Variants in GHR observed in about 807,000 individuals in gnomAD.
GHR encodes GH receptor.
A neutral mutation model predicts 67.1 loss-of-function variants in GHR; 35 were observed. The observed-to-expected ratio is 0.52, with a 90% CI of 0.40 to 0.69. The LOEUF is 0.69. Ranked by LOEUF, GHR falls within the 30% of genes least tolerant of loss-of-function variation. The probability of loss-of-function intolerance (pLI) is 0.00; values close to 1 mark genes in which losing one functional copy is unlikely to be tolerated. For synonymous variants in GHR, 272 were observed against 269.1 expected (o/e 1.01, Z -0.10); for missense variants, 792 against 764.6 (o/e 1.04, Z -0.42).
chr5:42,474,257 C>CAGACAGACAGACAGAAAGAAAGAAAGAA (rs1182799025), intron 1 of GHR, among the ~76,000 whole-genome samples: 1 of 87,940 alleles, frequency 1.1e-5, no homozygotes, highest in African/African-American at 4.3e-5. Context: ...GAAAGACAGA[C>CAGACAGACAGACAGAAAGAAAGAAAGAA]AGAAAGAAAG....
chr5:42,693,027 C>G (rs1316808311), intron 4 of GHR, among the ~76,000 whole-genome samples: 1 of 151,930 alleles, frequency 6.6e-6, no homozygotes, highest in Non-Finnish European at 1.5e-5. Context: ...TCTCTTCTGA[C>G]TCTACATACA....
In GHR at chr5:42,589,022, T is replaced by C. The variant is rs892957622; in HGVS notation, c.70+23078T>C. The stretch of plus-strand genomic sequence containing the variant: ...GCCCTAAACCATATTTCAATAATCC[T>C]TTCATGAAAGGAAAGGAAGTACATT... On this transcript the variant is annotated intron_variant, in intron 2 of 9. Coordinates refer to ENST00000230882, the MANE Select transcript of GHR (RefSeq NM_000163.5). Among the ~76,000 whole-genome samples the C allele has an allele frequency of 2.0e-5, 3 of 152,336 alleles. No homozygotes were observed. In the East Asian group the frequency reaches 5.8e-4, roughly 29 times the overall value.
intron 2 of GHR, among the ~76,000 whole-genome samples, chr5:42,620,858 ATGATAACATT>A (rs1283904794): frequency 1.3e-5 from 2 of 152,148 alleles, no homozygotes; most frequent in African/African-American, 4.8e-5. Flanking sequence ...AAAAAGATCT[ATGATAACATT>A]ATAAGGGAAG....
chr5:42,568,097 C>A (rs1750054002), intron 2 of GHR, among the ~76,000 whole-genome samples: 1 of 152,108 alleles, frequency 6.6e-6, no homozygotes, highest in Non-Finnish European at 1.5e-5. Flanking sequence ...GGAAGCATCA[C>A]CTGGAGAAAA....
At chr5:42,698,307 A>C (rs1288362603) in intron 5 of GHR, among the ~76,000 whole-genome samples, 1 of 152,152 alleles carries the variant, frequency 6.6e-6, no homozygotes, top group Non-Finnish European at 1.5e-5. Flanking sequence ...ACCTTGTCTC[A>C]TATCCTCTAT....
intron 1 of GHR, chr5:42,514,339 T>TCCAC: frequency 1.1e-6 from 1 of 876,360 alleles, no homozygotes; most frequent in Non-Finnish European, 1.3e-6. Context: ...TGTTGAGATC[T>TCCAC]CCAGCCTTGC....
At chr5:42,654,640 A>C (rs931232031) in intron 3 of GHR, among the ~76,000 whole-genome samples, 2 of 152,126 alleles carry the variant, frequency 1.3e-5, no homozygotes, top group Non-Finnish European at 2.9e-5. Context: ...AGACCCAAAA[A>C]GATATAAATC....
At chr5:42,529,166 A>G (rs1016479618) in intron 1 of GHR, among the ~76,000 whole-genome samples, 3 of 151,882 alleles carry the variant, frequency 2.0e-5, no homozygotes, top group Non-Finnish European at 2.9e-5. Context: ...TGCCCACCAC[A>G]ATGCCCAGCT....
At chr5:42,540,857 T>C (rs1303407036) in intron 1 of GHR, among the ~76,000 whole-genome samples, 1 of 152,126 alleles carries the variant, frequency 6.6e-6, no homozygotes, top group African/African-American at 2.4e-5. Context: ...TGTTCCCATA[T>C]TTCATGCATT....
At chr5:42,443,571 C>T (rs1214652189) in intron 1 of GHR, among the ~76,000 whole-genome samples, 2 of 152,246 alleles carry the variant, frequency 1.3e-5, no homozygotes, top group African/African-American at 4.8e-5. Context: ...TGGCATGTTT[C>T]ACCAATGTAT....
intron 1 of GHR, among the ~76,000 whole-genome samples, chr5:42,550,761 C>T (rs1423429129): frequency 1.3e-5 from 2 of 152,144 alleles, no homozygotes; most frequent in Non-Finnish European, 2.9e-5. Context: ...CGAGTTCTGC[C>T]ACCTGACAAA....
intron 1 of GHR, among the ~76,000 whole-genome samples, chr5:42,563,447 T>C (rs1201112411): frequency 6.6e-6 from 1 of 151,474 alleles, no homozygotes; most frequent in African/African-American, 2.4e-5. Flanking sequence ...AAACCCCGTC[T>C]CTACTAAAAA....
chr5:42,656,498 G>A (rs12518067), intron 3 of GHR, among the ~76,000 whole-genome samples: 102,821 of 151,946 alleles, frequency 0.68, 36,355 homozygotes, highest in East Asian at 0.96. Flanking sequence ...CACCTCTAAA[G>A]CCTATCTTTG....
chr5:42,569,841 A>G (rs1024468384), intron 2 of GHR, among the ~76,000 whole-genome samples: 1 of 152,156 alleles, frequency 6.6e-6, no homozygotes, highest in Non-Finnish European at 1.5e-5. Flanking sequence ...CAAATTCTGC[A>G]AAAGGTGTTA....
intron 1 of GHR, among the ~76,000 whole-genome samples, chr5:42,524,012 A>G (rs1013679119): frequency 3.3e-5 from 5 of 152,160 alleles, no homozygotes; most frequent in Non-Finnish European, 2.9e-5. Flanking sequence ...CATTAAAGCT[A>G]TTTTTGTTCC....
At position 42,529,312 on chromosome 5, in the gene GHR, G is replaced by A. The variant is rs528360912; in HGVS notation, c.-11-36552G>A. ...AGGTGTGAGCCACCGCGCCTGGCCAGACATAACTTTTATATACAGTAGGAA... is the reference window on the plus strand; with the variant it reads ...AGGTGTGAGCCACCGCGCCTGGCCAAACATAACTTTTATATACAGTAGGAA... On this transcript the variant is annotated intron_variant, in intron 1 of 9. Coordinates refer to ENST00000230882, the MANE Select transcript of GHR (RefSeq NM_000163.5). Among the ~76,000 whole-genome samples, 60 of 152,156 alleles carry A rather than the reference G, an allele frequency of 3.9e-4. 1 individual carries two copies. The highest frequency in any genetic ancestry group is 1.4e-3 in the African/African-American group (59 of 41,522).
At chr5:42,547,206 A>G (rs920252112) in intron 1 of GHR, among the ~76,000 whole-genome samples, 3 of 152,224 alleles carry the variant, frequency 2.0e-5, no homozygotes, top group Non-Finnish European at 4.4e-5. Context: ...AGTATGGTTT[A>G]TTGCATATAA....
At chr5:42,700,222 G>A (rs928597108) in intron 6 of GHR, among the ~76,000 whole-genome samples, 8 of 152,292 alleles carry the variant, frequency 5.3e-5, no homozygotes, top group South Asian at 2.1e-4. Context: ...TGGAAGGAAA[G>A]GAAAACTATT....
intron 1 of GHR, among the ~76,000 whole-genome samples, chr5:42,532,753 CTT>C (rs1748032721): frequency 6.6e-6 from 1 of 152,204 alleles, no homozygotes; most frequent in Non-Finnish European, 1.5e-5. Context: ...AGAATTTACC[CTT>C]GTTATTATAT....
Sources: gnomAD v4.1 joint callset for allele counts (sites outside exome capture counted in the v4.1 genomes callset) on GRCh38, gnomAD v4.1.1 for gene constraint, MANE v1.5 for transcripts, NCBI Gene and HGNC (gene_info 2026-07-23, HGNC 2026-07-21) for gene names.